Variants in ZDHHC15 observed in about 807,000 individuals in gnomAD.
ZDHHC15 encodes the protein palmitoyltransferase ZDHHC15.
A neutral mutation model predicts 31.7 loss-of-function variants in ZDHHC15; 19 were observed. The observed-to-expected ratio is 0.60, with a 90% CI of 0.42 to 0.88. The LOEUF (loss-of-function observed/expected upper bound fraction) is 0.88, where lower values mean the gene tolerates loss of function less well. Among genes scored for constraint, ZDHHC15 ranks in the 40% least tolerant of loss-of-function variants. The pLI, the probability that ZDHHC15 is intolerant of heterozygous loss-of-function variation, is 0.00. For missense variants in ZDHHC15, 209 were observed against 251.2 expected (o/e 0.83, Z 1.14); for synonymous variants, 103 against 90.0 (o/e 1.14, Z -0.82).
intron 3 of ZDHHC15, among the ~76,000 whole-genome samples, chrX:75,459,522 G>A (rs1265236421): frequency 1.8e-5 from 2 of 111,508 alleles, no homozygotes; most frequent in Non-Finnish European, 3.8e-5. Context: ...CCCCCCAACA[G>A]TGAAGCGTAC....
intron 4 of ZDHHC15, among the ~76,000 whole-genome samples, chrX:75,433,886 A>T (rs912376119): frequency 1.8e-5 from 2 of 111,071 alleles, no homozygotes; most frequent in African/African-American, 6.6e-5. Flanking sequence ...ATCAAATGAC[A>T]GATCTACGTT....
chrX:75,433,683 GTGTGTGTGTGTGTGTA>G lies in ZDHHC15; in HGVS notation c.380-2179_380-2164del, dbSNP rs1254373856. 0.012 allele frequency among the ~76,000 whole-genome samples: 146 copies of G among 11,710 alleles called. No homozygotes were observed. In the Non-Finnish European group the frequency reaches 0.13, roughly 10 times the overall value. 10.2% of individuals were successfully genotyped at this position (11,710 alleles called of 115,157 possible). A position where few individuals can be genotyped will look rare whatever the true frequency, so the allele number is the denominator to read the frequency against. On this transcript the variant is annotated intron_variant, in intron 4 of 11. Transcript: ENST00000373367. ...TGTGTGTGTGTGTGTGTGTGTGTGT[GTGTGTGTGTGTGTGTA>G]TATATATATATATATATATGTAACA...
chrX:75,391,288 T>G (rs999151355), intron 10 of ZDHHC15, among the ~76,000 whole-genome samples: 2 of 111,642 alleles, frequency 1.8e-5, no homozygotes, highest in African/African-American at 6.5e-5. Flanking sequence ...GAGAGAAAGA[T>G]AGGGGTAGAA....
intron 9 of ZDHHC15, among the ~76,000 whole-genome samples, chrX:75,421,037 C>T: frequency 9.1e-6 from 1 of 109,570 alleles, no homozygotes; most frequent in Non-Finnish European, 1.9e-5. Flanking sequence ...GTATTAACCA[C>T]AAAATATATA....
chrX:75,387,627 T>C (rs1037235619), intron 10 of ZDHHC15, among the ~76,000 whole-genome samples: 1 of 110,853 alleles, frequency 9.0e-6, no homozygotes, highest in Non-Finnish European at 1.9e-5. Flanking sequence ...AGAAAAAGAA[T>C]GAAAAGGAAA....
intron 10 of ZDHHC15, among the ~76,000 whole-genome samples, chrX:75,379,604 G>C (rs2083094291): frequency 9.0e-6 from 1 of 111,699 alleles, no homozygotes. Flanking sequence ...TTCTAAAAAA[G>C]GAATGAGGTA....
At chrX:75,498,198 G>A in intron 2 of ZDHHC15, among the ~76,000 whole-genome samples, 1 of 110,751 alleles carries the variant, frequency 9.0e-6, no homozygotes, top group South Asian at 3.9e-4. Context: ...CTCCCAAAGT[G>A]CTGGGATTAC....
chrX:75,396,176 C>T (rs1049030706), intron 10 of ZDHHC15, among the ~76,000 whole-genome samples: 3 of 111,701 alleles, frequency 2.7e-5, no homozygotes, highest in Non-Finnish European at 5.6e-5. Context: ...ACCTTCCATA[C>T]AGCAAAGAAG....
At chrX:75,391,357 C>T (rs1454183455) in intron 10 of ZDHHC15, among the ~76,000 whole-genome samples, 2 of 111,507 alleles carry the variant, frequency 1.8e-5, no homozygotes, top group African/African-American at 3.3e-5. Flanking sequence ...CATTAATATT[C>T]AATTACAAGA....
chrX:75,455,007 G>GA (rs1481531750), intron 3 of ZDHHC15, among the ~76,000 whole-genome samples: 3 of 110,994 alleles, frequency 2.7e-5, no homozygotes, highest in Non-Finnish European at 3.8e-5. Flanking sequence ...CACAAAATTG[G>GA]AAAAAACTAC....
intron 10 of ZDHHC15, among the ~76,000 whole-genome samples, chrX:75,408,502 A>G (rs1448000919): frequency 3.6e-5 from 4 of 112,356 alleles, no homozygotes; most frequent in Non-Finnish European, 7.5e-5. Flanking sequence ...ATAATACTGA[A>G]TGGGAAAAAT....
At chrX:75,379,609 G>A (rs1006835580) in intron 10 of ZDHHC15, among the ~76,000 whole-genome samples, 1 of 111,882 alleles carries the variant, frequency 8.9e-6, no homozygotes, top group Non-Finnish European at 1.9e-5. Context: ...AAAAAGGAAT[G>A]AGGTATCTAG....
intron 3 of ZDHHC15, among the ~76,000 whole-genome samples, chrX:75,467,700 G>A (rs184598568): frequency 8.7e-4 from 98 of 112,242 alleles, no homozygotes; most frequent in Non-Finnish European, 1.4e-3. Flanking sequence ...CTTTCTACTG[G>A]CCTACAAGCT....
At chrX:75,418,256 T>A (rs191136623) in intron 9 of ZDHHC15, among the ~76,000 whole-genome samples, 21 of 111,937 alleles carry the variant, frequency 1.9e-4, no homozygotes, top group African/African-American at 5.8e-4. Flanking sequence ...TTTAAAATAC[T>A]AACTGCTACA....
At chrX:75,492,821 A>G (rs765185016) in intron 2 of ZDHHC15, among the ~76,000 whole-genome samples, 2 of 112,059 alleles carry the variant, frequency 1.8e-5, no homozygotes, top group African/African-American at 6.5e-5. Flanking sequence ...TGCCCACAAG[A>G]GAAAGCAGGA....
chrX:75,391,055 T>C (rs961908420), intron 10 of ZDHHC15, among the ~76,000 whole-genome samples: 1 of 111,711 alleles, frequency 9.0e-6, no homozygotes, highest in Non-Finnish European at 1.9e-5. Flanking sequence ...GCAGAAATTC[T>C]TGAGCTGAAA....
chrX:75,413,926 A>G (rs933285189), intron 10 of ZDHHC15, among the ~76,000 whole-genome samples: 1 of 110,844 alleles, frequency 9.0e-6, no homozygotes, highest in African/African-American at 3.3e-5. Context: ...CCAACTTATT[A>G]TTCATGATAC....
chrX:75,488,168 G>A (rs2084808671), intron 2 of ZDHHC15, among the ~76,000 whole-genome samples: 1 of 111,622 alleles, frequency 9.0e-6, no homozygotes, highest in Non-Finnish European at 1.9e-5. Context: ...AAGAAGCCAA[G>A]AACACATGGG....
chrX:75,451,046 A>AC, intron 3 of ZDHHC15, 124 bp from the exon 4 acceptor site: 1 of 826,389 alleles, frequency 1.2e-6, no homozygotes, highest in South Asian at 3.1e-5. Flanking sequence ...GGTACCACTT[A>AC]GTCTTATAAT....
Sources: allele counts gnomAD v4.1 joint callset (sites outside exome capture counted in the v4.1 genomes callset), GRCh38; gene constraint gnomAD v4.1.1; transcripts MANE v1.5; gene names NCBI Gene and HGNC (gene_info 2026-07-23, HGNC 2026-07-21).